Variants in PLEKHM1 observed in about 807,000 individuals in gnomAD.
The protein encoded by PLEKHM1 is pleckstrin homology domain-containing family M member 1.
Under a neutral mutation model 94.3 loss-of-function variants are expected in PLEKHM1, and 28 were observed. The observed-to-expected ratio is 0.30, with a 90% CI of 0.22 to 0.41. The LOEUF (loss-of-function observed/expected upper bound fraction) is 0.41. Ranked by LOEUF, PLEKHM1 falls within the 10% of genes least tolerant of loss-of-function variation. The pLI, the probability that PLEKHM1 is intolerant of heterozygous loss-of-function variation, is 1.00. For synonymous variants in PLEKHM1, 424 were observed against 581.2 expected (o/e 0.73, Z 3.89); for missense variants, 907 against 1,358.6 (o/e 0.67, Z 5.22).
At chr17:45,478,614 C>T (rs1415876254) in intron 2 of PLEKHM1, among the ~76,000 whole-genome samples, 1 of 152,178 alleles carries the variant, frequency 6.6e-6, no homozygotes, top group Non-Finnish European at 1.5e-5. Flanking sequence ...ACAATAAACA[C>T]CCACACTGCT....
intron 6 of PLEKHM1, chr17:45,456,148 T>A (rs911041383): frequency 2.0e-5 from 3 of 152,268 alleles, no homozygotes; most frequent in African/African-American, 7.2e-5. Flanking sequence ...CCATCCTATA[T>A]GCAGTGGTCC....
intron 2 of PLEKHM1, among the ~76,000 whole-genome samples, chr17:45,480,285 C>G (rs2145342973): frequency 6.6e-6 from 1 of 152,292 alleles, no homozygotes; most frequent in South Asian, 2.1e-4. Context: ...GAGTTCGAGA[C>G]CAGCCTGGCC....
In PLEKHM1 at chr17:45,475,112, C is replaced by A; in HGVS notation, c.911G>T (p.Arg304Leu). 1 of 1,613,952 alleles carries A rather than the reference C, an allele frequency of 6.2e-7. No homozygotes were observed. The highest frequency in any genetic ancestry group is 8.5e-7 in the Non-Finnish European group (1 of 1,179,850). ...LGTANAEDSDRSLQEVLLEFS... is the reference protein window; with the variant it reads ...LGTANAEDSDLSLQEVLLEFS... ...GCAGCGTACTCACTCTTGCAGAGAC[C>A]GGTCTGAGTCCTCAGCATTTGCTGT... Residue 304 changes from arginine (R) to leucine (L), a missense_variant, in exon 4 of 12, where the codon CGG becomes CTG. Physicochemically the swap from Arg to Leu is moderately radical, Grantham distance 102. Coordinates refer to ENST00000430334, the MANE Select transcript of PLEKHM1 (RefSeq NM_014798.3).
In PLEKHM1 at chr17:45,445,606, G is replaced by A. The variant is rs1237329889; in HGVS notation, c.2701C>T (p.Leu901=). Residue 901 remains leucine, a synonymous_variant, in exon 9 of 12, where the codon CTG becomes TTG. Coordinates refer to ENST00000430334, the MANE Select transcript of PLEKHM1 (RefSeq NM_014798.3). The surrounding 1 kb of genome is among the most constrained non-coding windows in gnomAD (Gnocchi z 4.2). ...TQIRAQPLIN[L]QMVNASLYEH... Reference sequence around the variant, plus strand: ...TACAGAGACGCGTTCACCATCTGCAGGTTGATGAGGGGCTGGGCCCGGATC... The same window carrying A: ...TACAGAGACGCGTTCACCATCTGCAAGTTGATGAGGGGCTGGGCCCGGATC... The A allele has an allele frequency of 1.2e-6, 2 of 1,613,746 alleles. No individual in the cohort carries two copies. Among genetic ancestry groups the A allele is most frequent in the Non-Finnish European group, 1.7e-6 (2 of 1,179,844 alleles).
rs771377709 is a variant in PLEKHM1, at chr17:45,453,505, C to T, written c.2347G>A (p.Ala783Thr). The change falls in exon 7 of 12, where the codon GCC becomes ACC. Residue 783 changes from alanine to threonine, a missense_variant. Around this residue, in one of 3 missense-constraint regions of PLEKHM1, gnomAD observed 254 missense variants for 451.1 expected, o/e 0.56. Coordinates refer to ENST00000430334, the MANE Select transcript of PLEKHM1 (RefSeq NM_014798.3). The surrounding 1 kb of genome is among the most constrained non-coding windows in gnomAD (Gnocchi z 4.1). The stretch of plus-strand genomic sequence containing the variant: ...CCGCCCAGGGTCACCGCCTCCTCGG[C>T]TGTCTCCAAGTAGGATGCCAGGACT... The part of the protein sequence containing the change: ...RKVLASYLET[A>T]EEAVTLGGSL... The T allele has an allele frequency of 1.7e-4, 269 of 1,609,622 alleles. No homozygotes were observed. The highest frequency in any genetic ancestry group is 1.9e-4 in the Non-Finnish European group (227 of 1,177,818).
chr17:45,488,491 G>A (rs2052200135), intron 1 of PLEKHM1, among the ~76,000 whole-genome samples: 2 of 152,158 alleles, frequency 1.3e-5, no homozygotes, highest in Non-Finnish European at 2.9e-5. Flanking sequence ...GGCAACTGTG[G>A]AGCTCCTGTC....
intron 1 of PLEKHM1, among the ~76,000 whole-genome samples, chr17:45,487,151 C>G (rs1405950275): frequency 6.6e-6 from 1 of 152,164 alleles, no homozygotes; most frequent in Admixed American, 6.5e-5. Flanking sequence ...ATTTAGGAAG[C>G]CCCAAACCAC....
At chr17:45,467,414 G>T (rs1334833133) in intron 5 of PLEKHM1, among the ~76,000 whole-genome samples, 2 of 152,190 alleles carry the variant, frequency 1.3e-5, no homozygotes, top group African/African-American at 4.8e-5. Flanking sequence ...TGCCATATTG[G>T]ACAGCACGGC....
At chr17:45,462,907 C>A (rs62065394) in intron 5 of PLEKHM1, among the ~76,000 whole-genome samples, 19,210 of 151,568 alleles carry the variant, frequency 0.13, 1,565 homozygotes, top group Middle Eastern at 0.21. Context: ...CATGGAGAAA[C>A]CCCATCTCTA....
chr17:45,447,332 G>C (rs955548876), intron 8 of PLEKHM1, among the ~76,000 whole-genome samples: 36 of 152,210 alleles, frequency 2.4e-4, no homozygotes, highest in African/African-American at 8.4e-4. Flanking sequence ...CAGCCCCCCA[G>C]CCCAGGGACA....
intron 4 of PLEKHM1, among the ~76,000 whole-genome samples, chr17:45,474,602 T>C (rs1196835373): frequency 1.3e-5 from 2 of 152,264 alleles, no homozygotes; most frequent in African/African-American, 4.8e-5. Context: ...TCCTTCCTTC[T>C]AGATGAAGAC....
Position 45,437,913 on chromosome 17 carries a change from C to A in PLEKHM1, c.3116G>T (p.Gly1039Val). The A allele has an allele frequency of 6.2e-7, 1 of 1,613,860 alleles. No individual in the cohort carries two copies. Among genetic ancestry groups the A allele is most frequent in the Non-Finnish European group, 8.5e-7 (1 of 1,180,032 alleles). ...GCGCCGGCGGGCACAGCGGGGGCAG[C>A]CCTTCTTCACCACAGCCTGGCAGCT... is the stretch of plus-strand genomic sequence containing the variant. The part of the protein sequence containing the change: ...HQSCQAVVKK[G>V]CPRCARRRKY... Residue 1039 changes from glycine to valine, a missense_variant, in exon 12 of 12, where the codon GGC (glycine) becomes GTC (valine). Transcript: ENST00000430334. This position sits in a 1 kb window ranked among gnomAD's most constrained non-coding sequence, Gnocchi z 4.0.
At chr17:45,447,115 C>G (rs1481148459) in intron 8 of PLEKHM1, among the ~76,000 whole-genome samples, 1 of 152,254 alleles carries the variant, frequency 6.6e-6, no homozygotes, top group Non-Finnish European at 1.5e-5. Flanking sequence ...TAAATGTGAG[C>G]TGCTATCAGC....
At chr17:45,490,442 G>A (rs2052277494) in intron 1 of PLEKHM1, among the ~76,000 whole-genome samples, 1 of 152,028 alleles carries the variant, frequency 6.6e-6, no homozygotes, top group Non-Finnish European at 1.5e-5. Flanking sequence ...GACAGACGGA[G>A]GGGACGGGGC....
At chr17:45,456,213 C>G (rs900835452) in intron 6 of PLEKHM1, 2 of 152,186 alleles carry the variant, frequency 1.3e-5, no homozygotes, top group African/African-American at 4.8e-5. Context: ...GCACTTATGA[C>G]CACCTGACCA....
chr17:45,456,257 T>C (rs888229236), intron 6 of PLEKHM1: 1 of 152,198 alleles, frequency 6.6e-6, no homozygotes, highest in Non-Finnish European at 1.5e-5. Context: ...TTATTTCCCG[T>C]CTCCTCTACT....
chr17:45,455,842 G>A (rs1398085164), intron 6 of PLEKHM1, among the ~76,000 whole-genome samples: 1 of 152,144 alleles, frequency 6.6e-6, no homozygotes, highest in East Asian at 1.9e-4. Flanking sequence ...GGAAGTCAGA[G>A]CATGTCCCTC....
intron 1 of PLEKHM1, among the ~76,000 whole-genome samples, chr17:45,485,748 C>A (rs1481402354): frequency 2.8e-5 from 4 of 143,454 alleles, no homozygotes; most frequent in Non-Finnish European, 3.0e-5. Context: ...AAAAAAAAAA[C>A]AAAAATTAGC....
chr17:45,480,253 C>T (rs1177749679), intron 2 of PLEKHM1, among the ~76,000 whole-genome samples: 12 of 152,286 alleles, frequency 7.9e-5, no homozygotes, highest in Non-Finnish European at 1.2e-4. Flanking sequence ...GAGGCCAAGA[C>T]GAGTGGATCA....
Sources: allele counts gnomAD v4.1 joint callset (sites outside exome capture counted in the v4.1 genomes callset), GRCh38; gene constraint gnomAD v4.1.1; regional missense constraint gnomAD v4.1.1; non-coding constraint Gnocchi (gnomAD v3.1); transcripts MANE v1.5; gene names NCBI Gene and HGNC (gene_info 2026-07-23, HGNC 2026-07-21).